Variants in SHANK2 observed in about 807,000 individuals in gnomAD.
SHANK2 encodes the protein SH3 and multiple ankyrin repeat domains 2.
A neutral mutation model predicts 133.7 loss-of-function variants in SHANK2; 43 were observed. The ratio of observed to expected loss-of-function variants is 0.32; its 90% CI spans 0.25 to 0.41. The LOEUF is 0.41. Among genes scored for constraint, SHANK2 ranks in the 10% least tolerant of loss-of-function variants. The pLI is 1.00. For synonymous variants in SHANK2, 1,017 were observed against 952.8 expected, an observed-to-expected ratio of 1.07 and a Z score of -1.24; for missense variants, 1,994 against 2,235.8, an observed-to-expected ratio of 0.89 and a Z score of 2.18.
At chr11:71,076,520 CA>C (rs1486702790) in intron 8 of SHANK2, among the ~76,000 whole-genome samples, 1 of 150,334 alleles carries the variant, frequency 6.7e-6, no homozygotes, top group Non-Finnish European at 1.5e-5. Flanking sequence ...CAAACAAAAA[CA>C]AAAAACGAAA....
At chr11:71,139,601 A>G (rs1436424600) in intron 3 of SHANK2, among the ~76,000 whole-genome samples, 1 of 152,178 alleles carries the variant, frequency 6.6e-6, no homozygotes, top group Non-Finnish European at 1.5e-5. Flanking sequence ...CCCCAGAAAT[A>G]ACAGAGCTCA....
chr11:70,770,040 C>A (rs919465152), intron 14 of SHANK2, among the ~76,000 whole-genome samples: 1 of 152,188 alleles, frequency 6.6e-6, no homozygotes, highest in Non-Finnish European at 1.5e-5. Flanking sequence ...ATGTACCTTC[C>A]CAGTGGCCCA....
chr11:70,589,471 T>C (rs921081445), intron 17 of SHANK2, among the ~76,000 whole-genome samples: 12 of 152,214 alleles, frequency 7.9e-5, no homozygotes, highest in Non-Finnish European at 1.2e-4. Flanking sequence ...TCATGGACAA[T>C]GAACCTGGTC....
At chr11:70,697,258 G>C (rs1467251775) in intron 15 of SHANK2, among the ~76,000 whole-genome samples, 1 of 152,184 alleles carries the variant, frequency 6.6e-6, no homozygotes, top group African/African-American at 2.4e-5. Flanking sequence ...CAAATGGTCG[G>C]AATAGGAAAC....
At chr11:70,811,962 G>A (rs1948290890) in intron 12 of SHANK2, among the ~76,000 whole-genome samples, 1 of 152,248 alleles carries the variant, frequency 6.6e-6, no homozygotes, top group Admixed American at 6.5e-5. Flanking sequence ...CATTGGACAA[G>A]TTAGCTACCT....
chr11:70,559,433 C>G (rs2059878183), intron 17 of SHANK2, among the ~76,000 whole-genome samples: 1 of 152,222 alleles, frequency 6.6e-6, no homozygotes, highest in Admixed American at 6.5e-5. Flanking sequence ...AATAGCAACA[C>G]AGTTAACAGT....
intron 2 of SHANK2, among the ~76,000 whole-genome samples, chr11:71,208,399 CA>C (rs1468322023): frequency 4.6e-5 from 7 of 152,136 alleles, no homozygotes; most frequent in African/African-American, 1.7e-4. Flanking sequence ...GGCTATGGAA[CA>C]AGGGGAGAAA....
At chr11:70,883,830 G>A (rs982472715) in intron 11 of SHANK2, among the ~76,000 whole-genome samples, 5 of 152,214 alleles carry the variant, frequency 3.3e-5, no homozygotes, top group Non-Finnish European at 5.9e-5. Flanking sequence ...AGGGGAGAAG[G>A]CGCTGAGGAT....
chr11:70,525,033 C>T (rs1554971838), intron 17 of SHANK2, among the ~76,000 whole-genome samples: 1 of 152,248 alleles, frequency 6.6e-6, no homozygotes, highest in South Asian at 2.1e-4. Context: ...AGATAAGGCT[C>T]TGTGCAGGTC....
chr11:70,759,569 G>T (rs1555039724), intron 14 of SHANK2, among the ~76,000 whole-genome samples: 1 of 152,208 alleles, frequency 6.6e-6, no homozygotes, highest in Admixed American at 6.5e-5. Context: ...TCCCTGTTGA[G>T]GTTTAGCCAC....
chr11:70,750,296 G>A (rs1236684285), intron 14 of SHANK2, among the ~76,000 whole-genome samples: 1 of 152,186 alleles, frequency 6.6e-6, no homozygotes, highest in Non-Finnish European at 1.5e-5. Flanking sequence ...AGAGTGCATG[G>A]GAGATCTTCC....
chr11:70,727,943 C>T (rs895207), intron 14 of SHANK2, among the ~76,000 whole-genome samples: 2 of 152,322 alleles, frequency 1.3e-5, no homozygotes, highest in South Asian at 4.1e-4. Flanking sequence ...GAGAGGTGTT[C>T]TGATGAGTTT....
chr11:70,701,454 T>C (rs191806723), intron 14 of SHANK2, among the ~76,000 whole-genome samples: 2 of 152,164 alleles, frequency 1.3e-5, no homozygotes, highest in South Asian at 4.1e-4. Flanking sequence ...CAGGCTGGAG[T>C]GCAGTGGTGC....
At position 70,781,558 on chromosome 11, in the gene SHANK2, T is replaced by TTATTTATATATATATATATATA. The variant is rs71049941; in HGVS notation, c.1777+16884_1777+16885insTATATATATATATATATAAATA. 2.9e-3 allele frequency among the ~76,000 whole-genome samples: 83 copies of TTATTTATATATATATATATATA among 28,952 alleles called. 3 individuals carry two copies. Among genetic ancestry groups the TTATTTATATATATATATATATA allele is most frequent in the Middle Eastern group, 0.025 (1 of 40 alleles). 19.0% of individuals were successfully genotyped at this position (28,952 alleles called of 152,430 possible). A position where few individuals can be genotyped will look rare whatever the true frequency, so the allele number is the denominator to read the frequency against. Reference sequence around the variant, plus strand: ...AAGCAGCTTGCAATTTACTTACTTATTATATATATATATATATATATATAT... The same window carrying TTATTTATATATATATATATATA: ...AAGCAGCTTGCAATTTACTTACTTATTATTTATATATATATATATATATATATATATATATATATATATATAT... On this transcript the variant is annotated intron_variant, in intron 14 of 25. Coordinates refer to ENST00000601538, the MANE Select transcript of SHANK2 (RefSeq NM_012309.5).
rs2059080930 is a variant in SHANK2, at chr11:70,502,867, C to G, written c.2126G>C (p.Gly709Ala). 4 of 1,613,784 alleles carry G rather than the reference C, an allele frequency of 2.5e-6. No homozygotes were observed. The highest frequency in any genetic ancestry group is 3.4e-6 in the Non-Finnish European group (4 of 1,179,952). ...GACCACCTTAAGGACCAGGTGATTC[C>G]CTCCCTGCCGGATCATGTTCACCAC... ...RQVVNMIRQG[G>A]NHLVLKVVTV... Residue 709 changes from glycine to alanine, a missense_variant, in exon 18 of 26, where the codon GGG becomes GCG. Coordinates refer to ENST00000601538, the MANE Select transcript of SHANK2 (RefSeq NM_012309.5).
chr11:71,153,918 C>T (rs576247480), intron 2 of SHANK2, among the ~76,000 whole-genome samples: 1 of 151,860 alleles, frequency 6.6e-6, no homozygotes, highest in Admixed American at 6.6e-5. Flanking sequence ...TGTAGTGAGC[C>T]GAGATCGTAC....
rs146256876 is a variant in SHANK2, at chr11:70,527,976, G to C, written c.2062-25045C>G. Among the ~76,000 whole-genome samples, 30 of 152,350 alleles carry C rather than the reference G, an allele frequency of 2.0e-4. No homozygotes were observed. In the East Asian group the frequency reaches 5.8e-3, roughly 29 times the overall value. On this transcript the variant is annotated intron_variant, in intron 17 of 25. Transcript: ENST00000601538. ...ATGGTGGTGAGAGGGAGGGGCCTGA[G>C]TGCATGTTAAGGACCTGGAGAGCTG...
chr11:70,532,890 T>C (rs1438086899), intron 17 of SHANK2, among the ~76,000 whole-genome samples: 3 of 150,370 alleles, frequency 2.0e-5, no homozygotes, highest in African/African-American at 4.9e-5. Context: ...AATAACACTC[T>C]GTGGTCGAGC....
chr11:71,099,881 T>A (rs374800725), intron 6 of SHANK2, among the ~76,000 whole-genome samples: 21 of 151,888 alleles, frequency 1.4e-4, no homozygotes, highest in African/African-American at 4.1e-4. Context: ...AGGCCTCACC[T>A]CTACTAAAAA....
Sources: gnomAD v4.1 joint callset for allele counts (sites outside exome capture counted in the v4.1 genomes callset) on GRCh38, gnomAD v4.1.1 for gene constraint, MANE v1.5 for transcripts, NCBI Gene and HGNC (gene_info 2026-07-23, HGNC 2026-07-21) for gene names.